SMARCD2: variants seen among roughly 807,000 people sequenced by gnomAD.
The protein encoded by SMARCD2 is SWI/SNF related BAF chromatin remodeling complex subunit D2, also known as SWI/SNF-related matrix-associated actin-dependent regulator of chromatin subfamily D member 2.
SMARCD2 carries 39 observed loss-of-function variants against 70.4 expected under a neutral mutation model. The observed-to-expected ratio is 0.55, with a 90% CI of 0.43 to 0.72. The LOEUF is 0.72. SMARCD2 is among the 30% of genes least tolerant of loss of function. The pLI, the probability that SMARCD2 is intolerant of heterozygous loss-of-function variation, is 0.00. For missense variants in SMARCD2, 540 were observed against 713.4 expected (o/e 0.76, Z 2.77); for synonymous variants, 249 against 279.4 (o/e 0.89, Z 1.08).
intron 4 of SMARCD2, 45 bp from the exon 5 acceptor site, chr17:63,835,612 T>C: frequency 6.3e-7 from 1 of 1,585,650 alleles, no homozygotes; most frequent in East Asian, 2.2e-5. Flanking sequence ...ACCAAGATGC[T>C]GGGACACAGT....
In SMARCD2 at chr17:63,832,162, C is replaced by A; in HGVS notation, c.*776G>T. Reference sequence around the variant, plus strand: ...CAAGCCCTAGGCCCACCCTCCTCACCAAGCTCCAAAGGGCAACACCAGTCC... The same window carrying A: ...CAAGCCCTAGGCCCACCCTCCTCACAAAGCTCCAAAGGGCAACACCAGTCC... On this transcript the variant is annotated 3_prime_UTR_variant, in exon 13 of 13. Transcript: ENST00000448276. The A allele has an allele frequency of 1.6e-6, 1 of 628,686 alleles. No individual in the cohort carries two copies. The highest frequency in any genetic ancestry group is 2.8e-6 in the Non-Finnish European group (1 of 359,362). 38.9% of individuals were successfully genotyped at this position (628,686 alleles called of 1,614,324 possible).
Position 63,833,967 on chromosome 17 carries a change from T to C in SMARCD2, c.1123A>G (p.Met375Val), listed in dbSNP as rs374021226. 12 of 1,613,862 alleles carry C rather than the reference T, an allele frequency of 7.4e-6. No homozygotes were observed. In the African/African-American group the frequency reaches 8.0e-5, roughly 11 times the overall value. ...CGRLRFSEIP[M>V]KLAGLLQHPD... ...TGCTGCAGCAACCCTGCCAGCTTCA[T>C]GGGAATCTCGGAGAAACGGAGTCGG... The change falls in exon 9 of 13, where the codon ATG becomes GTG. Residue 375 changes from methionine (M) to valine (V), a missense_variant. Transcript: ENST00000448276. This position sits in a 1 kb window ranked among gnomAD's most constrained non-coding sequence, Gnocchi z 4.3.
chr17:63,832,203 T>G lies in SMARCD2; in HGVS notation c.*735A>C. 1.7e-6 allele frequency: 1 copy of G among 579,796 alleles called. No individual in the cohort carries two copies. The highest frequency in any genetic ancestry group is 2.9e-5 in the East Asian group (1 of 34,348). 35.9% of individuals were successfully genotyped at this position (579,796 alleles called of 1,614,324 possible). A position where few individuals can be genotyped will look rare whatever the true frequency, so the allele number is the denominator to read the frequency against. ...ACACCAGTCCTCCCAGCCTCCCCAT[T>G]CACCTTACCCTGGCCTCCACATGCA... On this transcript the variant is annotated 3_prime_UTR_variant, in exon 13 of 13. Coordinates refer to ENST00000448276, the MANE Select transcript of SMARCD2 (RefSeq NM_001098426.2).
intron 4 of SMARCD2, among the ~76,000 whole-genome samples, chr17:63,836,241 C>T (rs1347193830): frequency 1.3e-5 from 2 of 150,894 alleles, no homozygotes; most frequent in Non-Finnish European, 3.0e-5. Flanking sequence ...AAAAGCTTCT[C>T]GGCTGGGTGC....
In SMARCD2 at chr17:63,834,344, G is replaced by A. The variant is rs1297277525; in HGVS notation, c.922-16C>T. 5.6e-6 allele frequency: 9 copies of A among 1,607,750 alleles called. No individual in the cohort carries two copies. Among genetic ancestry groups the A allele is most frequent in the Non-Finnish European group, 7.7e-6 (9 of 1,175,154 alleles). On this transcript the variant is annotated splice_polypyrimidine_tract_variant and intron_variant, in intron 7 of 12. Coordinates refer to ENST00000448276, the MANE Select transcript of SMARCD2 (RefSeq NM_001098426.2). The surrounding 1 kb of genome is among the most constrained non-coding windows in gnomAD (Gnocchi z 5.6). Reference sequence around the variant, plus strand: ...ACTGGGGAGGCTGGAGTTGGATGGAGGGGAGTCAGAACGGGTTCTTATAGT... The same window carrying A: ...ACTGGGGAGGCTGGAGTTGGATGGAAGGGAGTCAGAACGGGTTCTTATAGT...
chr17:63,835,147 A>G, intron 5 of SMARCD2: 1 of 533,820 alleles, frequency 1.9e-6, no homozygotes. Flanking sequence ...TTTCTGAGAC[A>G]CAATCTCACT....
In SMARCD2 at chr17:63,834,071, C is replaced by T. The variant is rs1343152105; in HGVS notation, c.1084-65G>A. On this transcript the variant is annotated intron_variant, in intron 8 of 12. Transcript: ENST00000448276. The surrounding 1 kb of genome is among the most constrained non-coding windows in gnomAD (Gnocchi z 5.6). ...ACAGTGGAGTGGACCATTCCAGGAC[C>T]AGTGAGGGCAGCAGTCTGCAGGCTG... 6.3e-7 allele frequency: 1 copy of T among 1,589,950 alleles called. No individual in the cohort carries two copies. The highest frequency in any genetic ancestry group is 8.6e-7 in the Non-Finnish European group (1 of 1,159,036).
At chr17:63,841,803 G>GTGAC (rs1300781507) in intron 1 of SMARCD2, among the ~76,000 whole-genome samples, 23 of 152,224 alleles carry the variant, frequency 1.5e-4, no homozygotes, top group Non-Finnish European at 2.8e-4. Context: ...GAGCCGGCCT[G>GTGAC]TGACTGGGCT....
At chr17:63,836,856 T>C in intron 4 of SMARCD2, 66 bp downstream of exon 4, 1 of 1,556,934 alleles carries the variant, frequency 6.4e-7, no homozygotes, top group Non-Finnish European at 8.8e-7. Context: ...GCTTGGCCCC[T>C]GGAAAACAAG....
In SMARCD2 at chr17:63,842,476, G is replaced by T; in HGVS notation, c.199C>A (p.Pro67Thr). The T allele has an allele frequency of 2.4e-6, 3 of 1,253,290 alleles. No individual in the cohort carries two copies. The highest frequency in any genetic ancestry group is 3.0e-6 in the Non-Finnish European group (3 of 1,001,936). The allele number at this position is 1,253,290 out of a possible 1,614,324, so 77.6% of individuals were successfully genotyped here. ...AAFRPMGPAG[P>T]AAQYQRPGMS... The stretch of plus-strand genomic sequence containing the variant: ...TTGCTCACCTGGTACTGCGCCGCGG[G>T]GCCCGCGGGGCCCATGGGGCGGAAG... Residue 67 changes from proline (P) to threonine (T), a missense_variant, in exon 1 of 13, where the codon CCC becomes ACC. By Grantham distance (38) the Pro-to-Thr change is conservative (BLOSUM62 -1). Transcript: ENST00000448276.
chr17:63,840,442 A>C (rs1468446825), intron 1 of SMARCD2, among the ~76,000 whole-genome samples: 1 of 151,670 alleles, frequency 6.6e-6, no homozygotes, highest in East Asian at 1.9e-4. Context: ...CCAAAGTGCT[A>C]GGATTACAGG....
Position 63,834,629 on chromosome 17 carries a change from G to A in SMARCD2, c.820-54C>T. 3 of 1,563,828 alleles carry A rather than the reference G, an allele frequency of 1.9e-6. No individual in the cohort carries two copies. Among genetic ancestry groups the A allele is most frequent in the Non-Finnish European group, 2.6e-6 (3 of 1,136,256 alleles). On this transcript the variant is annotated intron_variant, in intron 6 of 12. Coordinates refer to ENST00000448276, the MANE Select transcript of SMARCD2 (RefSeq NM_001098426.2). The surrounding 1 kb of genome is among the most constrained non-coding windows in gnomAD (Gnocchi z 5.6). ...CCAAGGGGGTGGGCGTGAACACAGGGCCTCCCAAGGGCCCTGAGGCCATTT... is the reference window on the plus strand; with the variant it reads ...CCAAGGGGGTGGGCGTGAACACAGGACCTCCCAAGGGCCCTGAGGCCATTT...
intron 1 of SMARCD2, among the ~76,000 whole-genome samples, chr17:63,840,337 ATT>A (rs57487581): frequency 7.7e-4 from 109 of 141,936 alleles, no homozygotes; most frequent in African/African-American, 1.4e-3. Context: ...GCTTGGCTAA[ATT>A]TTTTTTTTTT....
chr17:63,835,632 T>A, intron 4 of SMARCD2, 65 bp from the exon 5 acceptor site: 4 of 1,498,674 alleles, frequency 2.7e-6, no homozygotes, highest in Non-Finnish European at 3.7e-6. Context: ...TGCTACCGCA[T>A]CTTCTCATAT....
Position 63,834,359 on chromosome 17 carries a change from G to T in SMARCD2, c.922-31C>A. 2 of 1,601,318 alleles carry T rather than the reference G, an allele frequency of 1.2e-6. No homozygotes were observed. The highest frequency in any genetic ancestry group is 1.1e-5 in the South Asian group (1 of 90,538). On this transcript the variant is annotated intron_variant, in intron 7 of 12. Coordinates refer to ENST00000448276, the MANE Select transcript of SMARCD2 (RefSeq NM_001098426.2). This position sits in a 1 kb window ranked among gnomAD's most constrained non-coding sequence, Gnocchi z 5.6. ...GTTGGATGGAGGGGAGTCAGAACGG[G>T]TTCTTATAGTAGAACAGTGGGAAAA... is the stretch of plus-strand genomic sequence containing the variant.
Position 63,833,679 on chromosome 17 carries a change from C to T in SMARCD2, c.1225G>A (p.Asp409Asn), listed in dbSNP as rs969122171. 1 of 1,613,948 alleles carries T rather than the reference C, an allele frequency of 6.2e-7. No individual in the cohort carries two copies. The highest frequency in any genetic ancestry group is 8.5e-7 in the Non-Finnish European group (1 of 1,179,890). ...DQKKTACYDI[D>N]VEVDDPLKAQ... is the part of the protein sequence containing the mutation. The stretch of plus-strand genomic sequence containing the variant: ...TTCAGTGGGTCGTCCACCTCCACAT[C>T]GATGTCGTAACAGGCTGTCTTCTTC... Residue 409 changes from aspartate (D) to asparagine (N), a missense_variant, in exon 10 of 13, where the codon GAT (aspartate) becomes AAT (asparagine). Coordinates refer to ENST00000448276, the MANE Select transcript of SMARCD2 (RefSeq NM_001098426.2). The surrounding 1 kb of genome is among the most constrained non-coding windows in gnomAD (Gnocchi z 4.3).
rs1904509771 is a variant in SMARCD2 at position 63,842,496 on chromosome 17, C to T, written c.179G>A (p.Arg60His). The T allele has an allele frequency of 2.4e-6, 3 of 1,235,910 alleles. No individual in the cohort carries two copies. The African/African-American group carries it at 4.7e-5, about 19-fold the overall frequency. 76.6% of individuals were successfully genotyped at this position (1,235,910 alleles called of 1,614,324 possible). Residue 60 changes from arginine to histidine, a missense_variant, in exon 1 of 13, where the codon CGC becomes CAC. Transcript: ENST00000448276. ...CGCGGGGCCCGCGGGGCCCATGGGG[C>T]GGAAGGCGGCGGCCCCGGGGCCCCC... The part of the protein sequence containing the change: ...GVGGPGAAAF[R>H]PMGPAGPAAQ...
intron 1 of SMARCD2, chr17:63,839,060 C>T: frequency 1.0e-6 from 1 of 985,334 alleles, no homozygotes; most frequent in Non-Finnish European, 1.2e-6. Flanking sequence ...GGGAGTCCTG[C>T]CAAAGTCTCT....
rs1190145696 is a variant in SMARCD2, at chr17:63,834,376, G to A, written c.922-48C>T. On this transcript the variant is annotated intron_variant, in intron 7 of 12. Transcript: ENST00000448276. The surrounding 1 kb of genome is among the most constrained non-coding windows in gnomAD (Gnocchi z 5.6). ...CAGAACGGGTTCTTATAGTAGAACA[G>A]TGGGAAAATAGGGCAGGGACAGGAA... 4 of 1,589,956 alleles carry A rather than the reference G, an allele frequency of 2.5e-6. No homozygotes were observed. Among genetic ancestry groups the A allele is most frequent in the East Asian group, 2.3e-5 (1 of 44,332 alleles).
Sources: gnomAD v4.1 joint callset for allele counts (sites outside exome capture counted in the v4.1 genomes callset) on GRCh38, gnomAD v4.1.1 for gene constraint, Gnocchi (gnomAD v3.1) non-coding constraint, MANE v1.5 for transcripts, NCBI Gene and HGNC (gene_info 2026-07-23, HGNC 2026-07-21) for gene names.